MARCHF1: variants seen among roughly 807,000 people sequenced by gnomAD.
MARCHF1 encodes E3 ubiquitin-protein ligase MARCHF1.
MARCHF1 carries 40 observed loss-of-function variants against 54.2 expected under a neutral mutation model. The observed-to-expected ratio is 0.74, with a 90% CI of 0.57 to 0.96. MARCHF1 has a LOEUF of 0.96. MARCHF1 is among the 40% of genes least tolerant of loss of function. The probability of loss-of-function intolerance (pLI) is 0.00; values close to 1 mark genes in which losing one functional copy is unlikely to be tolerated. For missense variants in MARCHF1, 586 were observed against 656.5 expected (o/e 0.89, Z 1.17); for synonymous variants, 236 against 236.3 (o/e 1.00, Z 0.01).
intron 7 of MARCHF1, among the ~76,000 whole-genome samples, chr4:163,609,226 C>A (rs1741242866): frequency 6.6e-6 from 1 of 151,896 alleles, no homozygotes; most frequent in Admixed American, 6.6e-5. Flanking sequence ...GACAGCTGAC[C>A]CTGGAATGTC....
chr4:164,356,780 C>CAAAAAAAAAAAAAAAAAAAAAAA (rs58855405), intron 1 of MARCHF1, among the ~76,000 whole-genome samples: 1 of 103,266 alleles, frequency 9.7e-6, no homozygotes, highest in Non-Finnish European at 2.0e-5. Flanking sequence ...AAAAGAAAAG[C>CAAAAAAAAAAAAAAAAAAAAAAA]AAAAAAAAAA....
chr4:163,762,483 TC>T (rs1746854967), intron 4 of MARCHF1, among the ~76,000 whole-genome samples: 1 of 152,168 alleles, frequency 6.6e-6, no homozygotes, highest in African/African-American at 2.4e-5. Context: ...TGCTATTTTT[TC>T]CTTCAAAATG....
intron 4 of MARCHF1, among the ~76,000 whole-genome samples, chr4:163,835,440 G>A (rs79135056): frequency 0.023 from 3,576 of 152,288 alleles, 65 homozygotes; most frequent in East Asian, 0.072. Context: ...AGCAAGTGGA[G>A]GTGTAGACAG....
At chr4:164,267,411 T>C (rs574115786) in intron 1 of MARCHF1, among the ~76,000 whole-genome samples, 10 of 152,344 alleles carry the variant, frequency 6.6e-5, no homozygotes, top group African/African-American at 2.2e-4. Flanking sequence ...CTGTCTCTCT[T>C]TCTTTTGCCC....
intron 4 of MARCHF1, among the ~76,000 whole-genome samples, chr4:163,767,485 C>T (rs989370451): frequency 6.6e-6 from 1 of 152,002 alleles, no homozygotes; most frequent in Non-Finnish European, 1.5e-5. Context: ...AGGCGCCCGC[C>T]ACCACACCCA....
intron 4 of MARCHF1, among the ~76,000 whole-genome samples, chr4:163,776,942 T>C (rs1414705059): frequency 6.6e-6 from 1 of 152,184 alleles, no homozygotes; most frequent in African/African-American, 2.4e-5. Context: ...CAAGATACAA[T>C]GCCTTTGTAC....
intron 1 of MARCHF1, among the ~76,000 whole-genome samples, chr4:164,306,832 A>T (rs1734709150): frequency 6.6e-6 from 1 of 152,152 alleles, no homozygotes; most frequent in Non-Finnish European, 1.5e-5. Flanking sequence ...TATACAAAAG[A>T]TATTAATTAA....
intron 1 of MARCHF1, among the ~76,000 whole-genome samples, chr4:164,146,501 C>T (rs1179951026): frequency 6.6e-6 from 1 of 152,068 alleles, no homozygotes; most frequent in Non-Finnish European, 1.5e-5. Context: ...CAGAACAGAG[C>T]CCTCAGAAAT....
chr4:164,374,576 TCACTTC>T, intron 1 of MARCHF1, among the ~76,000 whole-genome samples: 1 of 152,144 alleles, frequency 6.6e-6, no homozygotes, highest in South Asian at 2.1e-4. Context: ...GCATCTATTA[TCACTTC>T]TTAAGACTCA....
chr4:163,561,270 C>T (rs1739458068), intron 8 of MARCHF1, among the ~76,000 whole-genome samples: 1 of 151,904 alleles, frequency 6.6e-6, no homozygotes, highest in Non-Finnish European at 1.5e-5. Flanking sequence ...ATATTTTTGC[C>T]CATCTCAAAG....
chr4:164,128,302 T>A (rs944502925), intron 1 of MARCHF1, among the ~76,000 whole-genome samples: 2 of 152,062 alleles, frequency 1.3e-5, no homozygotes, highest in African/African-American at 4.8e-5. Flanking sequence ...CACCTGTATA[T>A]TTAAAATACA....
intron 5 of MARCHF1, among the ~76,000 whole-genome samples, chr4:163,652,419 G>T (rs572233830): frequency 6.6e-6 from 1 of 151,804 alleles, no homozygotes; most frequent in East Asian, 1.9e-4. Context: ...CTTCTTTTCT[G>T]TTCCTTCAAC....
At chr4:164,017,685 C>G (rs923208762) in intron 2 of MARCHF1, among the ~76,000 whole-genome samples, 1 of 151,512 alleles carries the variant, frequency 6.6e-6, no homozygotes, top group Admixed American at 6.6e-5. Context: ...TATTATTGTA[C>G]GTTTATTTGA....
chr4:163,904,136 T>C (rs1395340512), intron 3 of MARCHF1, among the ~76,000 whole-genome samples: 1 of 152,188 alleles, frequency 6.6e-6, no homozygotes, highest in African/African-American at 2.4e-5. Flanking sequence ...CTAATAATAT[T>C]TTCTGTCTAA....
At chr4:164,058,892 A>C (rs542577282) in intron 2 of MARCHF1, among the ~76,000 whole-genome samples, 1 of 152,186 alleles carries the variant, frequency 6.6e-6, no homozygotes, top group Non-Finnish European at 1.5e-5. Flanking sequence ...TGTTCCCTAA[A>C]ATTGTGTATT....
rs112887221 is a variant in MARCHF1, at chr4:164,343,797, T to C, written c.-323+40073A>G. 3.6e-3 allele frequency among the ~76,000 whole-genome samples: 551 copies of C among 152,262 alleles called. 5 individuals carry two copies. The highest frequency in any genetic ancestry group is 0.013 in the African/African-American group (529 of 41,556). ...CTGATGGAAATGTAAATTAGTTCAG[T>C]GATTGTGGAAAGCAGCGTGGTGATT... On this transcript the variant is annotated intron_variant, in intron 1 of 9. Transcript: ENST00000514618.
intron 3 of MARCHF1, among the ~76,000 whole-genome samples, chr4:163,937,455 A>G (rs1293060302): frequency 6.6e-6 from 1 of 151,802 alleles, no homozygotes; most frequent in East Asian, 1.9e-4. Context: ...AGGATATCTG[A>G]ATCCTCAAAT....
chr4:164,264,039 A>C (rs1466888663), intron 1 of MARCHF1, among the ~76,000 whole-genome samples: 1 of 152,228 alleles, frequency 6.6e-6, no homozygotes, highest in East Asian at 1.9e-4. Flanking sequence ...AGACACATGC[A>C]TACAAATGTT....
chr4:163,973,732 A>G (rs1349966882), intron 3 of MARCHF1, among the ~76,000 whole-genome samples: 1 of 152,230 alleles, frequency 6.6e-6, no homozygotes, highest in Non-Finnish European at 1.5e-5. Context: ...AGTTCTGAGA[A>G]AGGTAATGAT....
Sources: allele counts gnomAD v4.1 joint callset (sites outside exome capture counted in the v4.1 genomes callset), GRCh38; gene constraint gnomAD v4.1.1; transcripts MANE v1.5; gene names NCBI Gene and HGNC (gene_info 2026-07-23, HGNC 2026-07-21).